CRB1: variants seen among roughly 807,000 people sequenced by gnomAD.
The protein encoded by CRB1 is crumbs cell polarity complex component 1.
Under a neutral mutation model 120.0 loss-of-function variants are expected in CRB1, and 83 were observed. That is an observed-to-expected ratio of 0.69 (90% confidence interval 0.58 to 0.83). The LOEUF is 0.83. Ranked by LOEUF, CRB1 falls within the 40% of genes least tolerant of loss-of-function variation. The pLI is 0.00. For missense variants in CRB1, 1,699 were observed against 1,687.6 expected, an observed-to-expected ratio of 1.01 and a Z score of -0.12; for synonymous variants, 625 against 612.5, an observed-to-expected ratio of 1.02 and a Z score of -0.30.
chr1:197,221,041 G>C, the CRB1 span, among the ~76,000 whole-genome samples: 1 of 152,124 alleles, frequency 6.6e-6, no homozygotes, highest in Admixed American at 6.5e-5. Flanking sequence ...TCTTCTAACG[G>C]GCAGGCTAAA....
intron 5 of CRB1, among the ~76,000 whole-genome samples, chr1:197,404,137 G>T (rs1663208290): frequency 6.6e-6 from 1 of 152,176 alleles, no homozygotes; most frequent in Admixed American, 6.5e-5. Context: ...AAAGCATGGA[G>T]AAGACAGAGT....
At chr1:197,351,408 A>G (rs2125340791) in intron 4 of CRB1, among the ~76,000 whole-genome samples, 1 of 151,678 alleles carries the variant, frequency 6.6e-6, no homozygotes, top group Non-Finnish European at 1.5e-5. Flanking sequence ...GAAAAGAGAA[A>G]AAAAGAAAAG....
chr1:197,345,901 C>A (rs1395687019), intron 3 of CRB1, among the ~76,000 whole-genome samples: 1 of 151,966 alleles, frequency 6.6e-6, no homozygotes, highest in Non-Finnish European at 1.5e-5. Flanking sequence ...TTAGTTGTAC[C>A]CCAATAATGC....
intron 11 of CRB1, among the ~76,000 whole-genome samples, chr1:197,449,125 T>G (rs1164750126): frequency 1.3e-5 from 2 of 152,216 alleles, no homozygotes; most frequent in East Asian, 3.8e-4. Flanking sequence ...GCATTTTTAT[T>G]TTCCCTTAGT....
At position 197,341,530 on chromosome 1, in the gene CRB1, C is replaced by T. The variant is rs139658433; in HGVS notation, c.653-2751C>T. On this transcript the variant is annotated intron_variant, in intron 2 of 11. Coordinates refer to ENST00000367400, the MANE Select transcript of CRB1 (RefSeq NM_201253.3). Reference sequence around the variant, plus strand: ...TGGTGGCAAAGTGAGATGAGTGAGACTCCATCTCAGAAAAAAAAAAGAAAA... The same window carrying T: ...TGGTGGCAAAGTGAGATGAGTGAGATTCCATCTCAGAAAAAAAAAAGAAAA... Among the ~76,000 whole-genome samples, 62 of 150,124 alleles carry T rather than the reference C, an allele frequency of 4.1e-4. 1 individual carries two copies. Among genetic ancestry groups the T allele is most frequent in the African/African-American group, 1.4e-3 (59 of 41,288 alleles).
the CRB1 span, among the ~76,000 whole-genome samples, chr1:197,207,496 A>G: frequency 1.3e-5 from 2 of 152,138 alleles, no homozygotes; most frequent in Non-Finnish European, 2.9e-5. Context: ...GCTGGATACA[A>G]AATTCTTGGC....
In CRB1 at chr1:197,478,430, T is replaced by C. The variant is rs920771870; in HGVS notation, c.*551T>C. The C allele has an allele frequency of 1.3e-5, 2 of 158,088 alleles. No individual in the cohort carries two copies. The highest frequency in any genetic ancestry group is 3.3e-3 in the Middle Eastern group (1 of 304). The allele number at this position is 158,088 out of a possible 1,614,324, so 9.8% of individuals were successfully genotyped here. On this transcript the variant is annotated 3_prime_UTR_variant, in exon 12 of 12. Transcript: ENST00000367400. ...CTTATGGTCCAAAAAAGTGACCCAA[T>C]GGCAACAAATAAAAATTGAAATGCA...
intron 1 of CRB1, among the ~76,000 whole-genome samples, chr1:197,283,312 G>A (rs968980749): frequency 3.3e-5 from 5 of 151,422 alleles, no homozygotes; most frequent in Non-Finnish European, 7.4e-5. Flanking sequence ...TTCTTTAGTG[G>A]TGATTGTGAG....
chr1:197,434,673 A>C, intron 8 of CRB1, 33 bp from the exon 9 acceptor site: 1 of 1,572,734 alleles, frequency 6.4e-7, no homozygotes, highest in Non-Finnish European at 8.7e-7. Flanking sequence ...AGATTTAATA[A>C]AGTTATTGAT....
intron 1 of CRB1, among the ~76,000 whole-genome samples, chr1:197,269,195 C>A (rs1006011707): frequency 9.9e-5 from 15 of 152,152 alleles, no homozygotes; most frequent in Non-Finnish European, 1.9e-4. Context: ...AAAACGAAGA[C>A]AGGGAGAGTG....
At chr1:197,250,184 T>A in the CRB1 span, among the ~76,000 whole-genome samples, 1 of 152,068 alleles carries the variant, frequency 6.6e-6, no homozygotes, top group Non-Finnish European at 1.5e-5. Context: ...GCTCTATATT[T>A]TTCATTTAAA....
At chr1:197,251,863 T>G in the CRB1 span, among the ~76,000 whole-genome samples, 1 of 152,058 alleles carries the variant, frequency 6.6e-6, no homozygotes, top group East Asian at 1.9e-4. Flanking sequence ...AGAGATTATC[T>G]GCTTATTGTC....
At chr1:197,346,031 A>T (rs985864213) in intron 3 of CRB1, among the ~76,000 whole-genome samples, 21 of 152,258 alleles carry the variant, frequency 1.4e-4, no homozygotes, top group African/African-American at 4.3e-4. Flanking sequence ...ACCCTTCCAT[A>T]CTTCACTGTT....
upstream of CRB1, chr1:197,268,233 A>G (rs1654706168): frequency 1.6e-6 from 1 of 613,780 alleles, no homozygotes; most frequent in African/African-American, 1.8e-5. Context: ...TAAGAAGCAC[A>G]AACTGCATTT....
chr1:197,350,574 C>A (rs532155816), intron 4 of CRB1, among the ~76,000 whole-genome samples: 1 of 152,310 alleles, frequency 6.6e-6, no homozygotes. Flanking sequence ...CAATAGGGAT[C>A]TGGGAATATA....
At chr1:197,238,029 G>T in the CRB1 span, among the ~76,000 whole-genome samples, 1 of 152,038 alleles carries the variant, frequency 6.6e-6, no homozygotes, top group Non-Finnish European at 1.5e-5. Context: ...TTCTACAAAT[G>T]TTGATATGTT....
At chr1:197,412,132 T>C (rs190983441) in intron 5 of CRB1, among the ~76,000 whole-genome samples, 44 of 152,368 alleles carry the variant, frequency 2.9e-4, no homozygotes, top group Non-Finnish European at 5.7e-4. Flanking sequence ...GCATGGGACA[T>C]GCTGGGGAAT....
At chr1:197,330,722 T>C (rs1026028803) in intron 2 of CRB1, among the ~76,000 whole-genome samples, 4 of 152,244 alleles carry the variant, frequency 2.6e-5, no homozygotes, top group African/African-American at 4.8e-5. Flanking sequence ...ATTATGTTTG[T>C]ACTAGTTGAC....
chr1:197,223,511 A>G, the CRB1 span, among the ~76,000 whole-genome samples: 2 of 152,142 alleles, frequency 1.3e-5, no homozygotes, highest in Non-Finnish European at 2.9e-5. Flanking sequence ...ATTCCCTTTA[A>G]TGAGTTTGGA....
Sources: allele counts gnomAD v4.1 joint callset (sites outside exome capture counted in the v4.1 genomes callset), GRCh38; gene constraint gnomAD v4.1.1; transcripts MANE v1.5; gene names NCBI Gene and HGNC (gene_info 2026-07-23, HGNC 2026-07-21).